The following TMEM91 variants were observed in gnomAD, a reference collection of about 807,000 sequenced individuals.
The protein encoded by TMEM91 is dispanin subfamily C member 3.
A neutral mutation model predicts 13.3 loss-of-function variants in TMEM91; 6 were observed. That is an observed-to-expected ratio of 0.45 (90% CI 0.25 to 0.89). The LOEUF (loss-of-function observed/expected upper bound fraction) is 0.89. TMEM91 is among the 40% of genes least tolerant of loss of function. TMEM91 has a pLI of 0.19. For synonymous variants in TMEM91, 87 were observed against 101.7 expected, an observed-to-expected ratio of 0.86 and a Z score of 0.87; for missense variants, 193 against 228.7, an observed-to-expected ratio of 0.84 and a Z score of 1.01.
At chr19:41,372,706 A>T (rs949242521), upstream of TMEM91, among the ~76,000 whole-genome samples, 1 of 152,132 alleles carries the variant, frequency 6.6e-6, no homozygotes, top group Non-Finnish European at 1.5e-5. Context: ...ACCAGAGGCA[A>T]CTAAGGTCAA....
upstream of TMEM91, among the ~76,000 whole-genome samples, chr19:41,371,974 T>G (rs932407995): frequency 6.6e-6 from 1 of 151,958 alleles, no homozygotes; most frequent in East Asian, 1.9e-4. Flanking sequence ...TCCTCCCACC[T>G]CAGCCTCCCA....
intron 1 of TMEM91, among the ~76,000 whole-genome samples, chr19:41,369,756 C>T (rs533662551): frequency 2.0e-5 from 3 of 151,840 alleles, no homozygotes; most frequent in African/African-American, 7.3e-5. Flanking sequence ...TGCAGTGAGC[C>T]GAGATTGCAC....
chr19:41,382,832 C>G lies in TMEM91; in HGVS notation c.271C>G (p.Leu91Val), dbSNP rs755807523. Residue 91 changes from leucine (L) to valine (V), a missense_variant, in exon 3 of 4, where the codon CTA (leucine) becomes GTA (valine). Coordinates refer to ENST00000392002, the MANE Select transcript of TMEM91 (RefSeq NM_001098821.2). Reference protein sequence around the residue: ...WDGGSRLSPFLPHDHLGLAVF... With the variant: ...WDGGSRLSPFVPHDHLGLAVF... ...TGGAGGCAGCCGTCTTTCACCATTT[C>G]TACCCCACGACCACCTCGGCTTGGC... 3.7e-6 allele frequency: 6 copies of G among 1,614,106 alleles called. No homozygotes were observed. In the African/African-American group the frequency reaches 6.7e-5, roughly 18 times the overall value.
intron 1 of TMEM91, among the ~76,000 whole-genome samples, chr19:41,367,097 C>A (rs1291156590): frequency 6.6e-6 from 1 of 151,154 alleles, no homozygotes; most frequent in Non-Finnish European, 1.5e-5. Context: ...GCCGAGATCA[C>A]GCCACCGCAC....
chr19:41,365,282 T>C (rs2038498637), intron 1 of TMEM91, among the ~76,000 whole-genome samples: 1 of 152,174 alleles, frequency 6.6e-6, no homozygotes, highest in Non-Finnish European at 1.5e-5. Context: ...GAAGAGCTCT[T>C]GAGGCCAGAA....
At chr19:41,370,694 C>T (rs955839124) in intron 1 of TMEM91, among the ~76,000 whole-genome samples, 27 of 151,666 alleles carry the variant, frequency 1.8e-4, no homozygotes, top group Middle Eastern at 3.4e-3. Context: ...CGTGAGCCAC[C>T]GTGCCTGGCC....
At chr19:41,379,367 T>TAA (rs80166771) in intron 2 of TMEM91, among the ~76,000 whole-genome samples, 11 of 131,300 alleles carry the variant, frequency 8.4e-5, no homozygotes, top group African/African-American at 1.1e-4. Context: ...GACCCCATCT[T>TAA]AAAAAAAAAA....
At chr19:41,382,625 G>A (rs995352848) in intron 2 of TMEM91, 147 bp from the exon 3 acceptor site, 67 of 1,152,154 alleles carry the variant, frequency 5.8e-5, no homozygotes, top group Non-Finnish European at 7.0e-5. Flanking sequence ...AACAAACACC[G>A]AAAGCCCATC....
At chr19:41,374,691 G>A (rs1260722344), upstream of TMEM91, among the ~76,000 whole-genome samples, 1 of 152,036 alleles carries the variant, frequency 6.6e-6, no homozygotes, top group Non-Finnish European at 1.5e-5. Flanking sequence ...GACTTAAAGA[G>A]CCTGGAAAGG....
intron 1 of TMEM91, among the ~76,000 whole-genome samples, chr19:41,366,052 C>CTTTT (rs11375696): frequency 1.0e-4 from 11 of 105,828 alleles, no homozygotes; most frequent in South Asian, 3.1e-4. Flanking sequence ...TATTTATTTA[C>CTTTT]TTTTTTTTTT....
chr19:41,371,880 C>T (rs995328893), upstream of TMEM91, among the ~76,000 whole-genome samples: 1 of 151,926 alleles, frequency 6.6e-6, no homozygotes, highest in Non-Finnish European at 1.5e-5. Context: ...TCCTTCCTGA[C>T]CCCCCTTTTT....
intron 2 of TMEM91, 57 bp downstream of exon 2, chr19:41,378,576 T>C: frequency 6.4e-7 from 1 of 1,571,464 alleles, no homozygotes; most frequent in Non-Finnish European, 8.7e-7. Flanking sequence ...TGAGCCCCAC[T>C]AAGGCCAGCA....
Position 41,379,137 on chromosome 19 carries a change from CTTT to C in TMEM91, c.210+640_210+642del, listed in dbSNP as rs569382453. ...GTGTGAGCCACCATGCCCAGCCTTCCTTTTTTTTTTTTTTTTTTTTTTTTAAGT... is the reference window on the plus strand; with the variant it reads ...GTGTGAGCCACCATGCCCAGCCTTCCTTTTTTTTTTTTTTTTTTTTTAAGT... On this transcript the variant is annotated intron_variant, in intron 2 of 3. Transcript: ENST00000392002. Among the ~76,000 whole-genome samples, 141 of 109,058 alleles carry C rather than the reference CTTT, an allele frequency of 1.3e-3. 1 individual carries two copies. Among genetic ancestry groups the C allele is most frequent in the African/African-American group, 5.0e-3 (135 of 27,096 alleles). 71.5% of individuals were successfully genotyped at this position (109,058 alleles called of 152,430 possible).
chr19:41,378,438 CCT>C lies in TMEM91; in HGVS notation c.130_131del (p.Leu44GlufsTer24). ...TAAGAGAGATAGCCTTTGCCGAGTC[CCT>C]GAGGGGTTTGCAGTTCCTGTCACCG... is the stretch of plus-strand genomic sequence containing the variant. The part of the protein sequence containing the change: ...PLREIAFAES[L>X]RGLQFLSPPL... On this transcript the variant is annotated frameshift_variant, in exon 2 of 4. Coordinates refer to ENST00000392002, the MANE Select transcript of TMEM91 (RefSeq NM_001098821.2). LOFTEE classifies it high-confidence loss of function. 1 of 1,614,146 alleles carries C rather than the reference CCT, an allele frequency of 6.2e-7. No homozygotes were observed. The highest frequency in any genetic ancestry group is 8.5e-7 in the Non-Finnish European group (1 of 1,180,022).
chr19:41,380,426 G>T (rs1472396762), intron 2 of TMEM91, among the ~76,000 whole-genome samples: 1 of 152,188 alleles, frequency 6.6e-6, no homozygotes, highest in Non-Finnish European at 1.5e-5. Context: ...AATTCAAGGG[G>T]AGGGGACACA....
intron 1 of TMEM91, among the ~76,000 whole-genome samples, chr19:41,365,469 A>G (rs998185514): frequency 1.3e-5 from 2 of 151,938 alleles, no homozygotes; most frequent in African/African-American, 4.8e-5. Context: ...CAGTGGTGCG[A>G]TCCCAGCTCA....
intron 1 of TMEM91, among the ~76,000 whole-genome samples, chr19:41,377,835 A>G (rs1314008583): frequency 6.6e-6 from 1 of 151,234 alleles, no homozygotes; most frequent in African/African-American, 2.4e-5. Context: ...ACACAGTGAA[A>G]CCCTATCTTT....
chr19:41,371,380 T>A (rs2038618735), intron 1 of TMEM91, among the ~76,000 whole-genome samples: 1 of 148,046 alleles, frequency 6.8e-6, no homozygotes, highest in African/African-American at 2.6e-5. Flanking sequence ...TTTCCTTCCT[T>A]CCTTCTTTCC....
Position 41,382,916 on chromosome 19 carries a change from C to T in TMEM91, c.355C>T (p.Gln119Ter). The T allele has an allele frequency of 6.2e-7, 1 of 1,614,044 alleles. No individual in the cohort carries two copies. The highest frequency in any genetic ancestry group is 8.5e-7 in the Non-Finnish European group (1 of 1,179,988). The change falls in exon 3 of 4, where the codon CAG becomes TAG. Residue 119 changes from glutamine to a stop codon, truncating the protein, a stop_gained. Coordinates refer to ENST00000392002, the MANE Select transcript of TMEM91 (RefSeq NM_001098821.2). LOFTEE classifies it high-confidence loss of function. ...TGGCATCGCTGCCTTCTGTCTAGCC[C>T]AGAAGGTCAGTCTGTGTGTGGGACT... ...PVGIAAFCLA[Q>*]KTNKAWAKGD...
Sources: allele counts gnomAD v4.1 joint callset (sites outside exome capture counted in the v4.1 genomes callset), GRCh38; gene constraint gnomAD v4.1.1; transcripts MANE v1.5; gene names NCBI Gene and HGNC (gene_info 2026-07-23, HGNC 2026-07-21).